Variants in SLC5A4 observed in about 807,000 individuals in gnomAD.
SLC5A4 encodes solute carrier family 5 member 4.
In SLC5A4, 55 loss-of-function variants were observed where a neutral mutation model predicts 70.3. The ratio of observed to expected loss-of-function variants is 0.78; its 90% CI spans 0.63 to 0.98. SLC5A4 has a LOEUF of 0.98. Ranked by LOEUF, SLC5A4 falls within the 50% of genes least tolerant of loss-of-function variation. The pLI, the probability that SLC5A4 is intolerant of heterozygous loss-of-function variation, is 0.00. For missense variants in SLC5A4, 735 were observed against 839.2 expected (o/e 0.88, Z 1.53); for synonymous variants, 268 against 305.7 (o/e 0.88, Z 1.29).
the SLC5A4 span, among the ~76,000 whole-genome samples, chr22:32,344,902 A>G: frequency 1.3e-5 from 2 of 152,196 alleles, no homozygotes; most frequent in Admixed American, 6.5e-5. Context: ...AAAACCCACA[A>G]GAACAATGGA....
chr22:32,269,370 T>A, the SLC5A4 span: 1 of 412,808 alleles, frequency 2.4e-6, no homozygotes, highest in Non-Finnish European at 4.6e-6. This position sits in a 1 kb window ranked among gnomAD's most constrained non-coding sequence, Gnocchi z 4.1. Flanking sequence ...TGGGCTGGCC[T>A]GTCCTGTAGA....
chr22:32,267,438 A>G, the SLC5A4 span, among the ~76,000 whole-genome samples: 1 of 152,182 alleles, frequency 6.6e-6, no homozygotes, highest in Non-Finnish European at 1.5e-5. Flanking sequence ...AAAAATTAAA[A>G]TTTTAATACA....
chr22:32,345,969 A>T, the SLC5A4 span, among the ~76,000 whole-genome samples: 3 of 152,234 alleles, frequency 2.0e-5, no homozygotes, highest in Non-Finnish European at 4.4e-5. Flanking sequence ...CTAAAACATT[A>T]GTCATCTCTA....
chr22:32,321,011 G>C, the SLC5A4 span, among the ~76,000 whole-genome samples: 4 of 152,220 alleles, frequency 2.6e-5, no homozygotes, highest in African/African-American at 9.6e-5. Flanking sequence ...TTTAAGGCCG[G>C]GCACGGTGGC....
At chr22:32,343,627 A>T in the SLC5A4 span, among the ~76,000 whole-genome samples, 3 of 152,214 alleles carry the variant, frequency 2.0e-5, no homozygotes, top group African/African-American at 7.2e-5. Flanking sequence ...AGCAGTCTTA[A>T]CGGATAAACT....
the SLC5A4 span, among the ~76,000 whole-genome samples, chr22:32,342,462 G>A: frequency 1.3e-5 from 2 of 152,072 alleles, no homozygotes; most frequent in Non-Finnish European, 2.9e-5. Context: ...AGCAGGAGCT[G>A]AAATCCACAG....
chr22:32,344,093 TG>T, the SLC5A4 span, among the ~76,000 whole-genome samples: 2 of 152,122 alleles, frequency 1.3e-5, no homozygotes, highest in Non-Finnish European at 2.9e-5. Context: ...TCAGCTTGTG[TG>T]ATAGATTAAA....
the SLC5A4 span, among the ~76,000 whole-genome samples, chr22:32,306,900 CAAG>C: frequency 0.16 from 22,147 of 135,816 alleles, 1,766 homozygotes; most frequent in Non-Finnish European, 0.2. Flanking sequence ...CATGCAATTC[CAAG>C]AAGAGGCGCT....
the SLC5A4 span, among the ~76,000 whole-genome samples, chr22:32,347,129 T>G: frequency 4.5e-4 from 68 of 152,256 alleles, no homozygotes; most frequent in Non-Finnish European, 8.1e-4. Context: ...GGCCATCAGA[T>G]AAATGCAAAT....
chr22:32,251,118 T>A (rs1308295831), intron 3 of SLC5A4, among the ~76,000 whole-genome samples: 1 of 81,124 alleles, frequency 1.2e-5, no homozygotes, highest in Non-Finnish European at 2.4e-5. Context: ...GAACTTAAAA[T>A]TGACAAAGAA....
At chr22:32,312,430 T>C in the SLC5A4 span, among the ~76,000 whole-genome samples, 9 of 151,986 alleles carry the variant, frequency 5.9e-5, no homozygotes, top group South Asian at 1.0e-3. Context: ...GGGGCCGCTA[T>C]TGGAGGGAGC....
At chr22:32,254,887 A>C (rs918188254) in intron 1 of SLC5A4, among the ~76,000 whole-genome samples, 2 of 152,194 alleles carry the variant, frequency 1.3e-5, no homozygotes, top group Non-Finnish European at 2.9e-5. Flanking sequence ...CTAAATCAGA[A>C]AGTGAGCAAA....
the SLC5A4 span, among the ~76,000 whole-genome samples, chr22:32,300,490 G>A: frequency 6.6e-6 from 1 of 152,098 alleles, no homozygotes; most frequent in Non-Finnish European, 1.5e-5. Context: ...CACTTCCCAA[G>A]TGAGGCAATG....
At chr22:32,249,430 T>C (rs545602155) in intron 3 of SLC5A4, among the ~76,000 whole-genome samples, 64 of 152,318 alleles carry the variant, frequency 4.2e-4, no homozygotes, top group African/African-American at 1.5e-3. Context: ...CCATAGGTCA[T>C]TCTGGCCATG....
the SLC5A4 span, among the ~76,000 whole-genome samples, chr22:32,280,527 G>C: frequency 6.6e-6 from 1 of 152,238 alleles, no homozygotes; most frequent in South Asian, 2.1e-4. Flanking sequence ...CTGTGGCCTT[G>C]TGTCCTCTGC....
the SLC5A4 span, among the ~76,000 whole-genome samples, chr22:32,340,677 G>A: frequency 6.6e-6 from 1 of 152,194 alleles, no homozygotes; most frequent in South Asian, 2.1e-4. Flanking sequence ...ATCCCGGAGG[G>A]GAGAGGTCTG....
the SLC5A4 span, chr22:32,269,336 A>G: frequency 5.7e-4 from 181 of 319,304 alleles, 4 homozygotes; most frequent in South Asian, 6.2e-3. The surrounding 1 kb of genome is among the most constrained non-coding windows in gnomAD (Gnocchi z 4.1). Context: ...TCTTTTAAAA[A>G]TCCGTATTTT....
At chr22:32,333,774 CAT>C in the SLC5A4 span, among the ~76,000 whole-genome samples, 4 of 150,596 alleles carry the variant, frequency 2.7e-5, no homozygotes, top group Non-Finnish European at 4.4e-5. Flanking sequence ...CCACAATACA[CAT>C]AAACACACAC....
chr22:32,254,273 GAGGCTCT>G (rs1658013868), intron 1 of SLC5A4, 60 bp from the exon 2 acceptor site: 1 of 1,287,932 alleles, frequency 7.8e-7, no homozygotes, highest in Admixed American at 1.7e-5. Flanking sequence ...AGACACCCCA[GAGGCTCT>G]GGCCAGGGTG....
Sources: allele counts gnomAD v4.1 joint callset (sites outside exome capture counted in the v4.1 genomes callset), GRCh38; gene constraint gnomAD v4.1.1; non-coding constraint Gnocchi (gnomAD v3.1); transcripts MANE v1.5; gene names NCBI Gene and HGNC (gene_info 2026-07-23, HGNC 2026-07-21).